Variants in ELF2 observed in about 807,000 individuals in gnomAD.
ELF2 encodes E74 like ETS transcription factor 2, also known as ETS-related transcription factor Elf-2.
ELF2 carries 11 observed loss-of-function variants against 54.8 expected under a neutral mutation model. That is an observed-to-expected ratio of 0.20 (90% confidence interval 0.13 to 0.33). The LOEUF (loss-of-function observed/expected upper bound fraction) is 0.33. Among genes scored for constraint, ELF2 ranks in the 10% least tolerant of loss-of-function variants. The probability of loss-of-function intolerance (pLI) is 1.00; values close to 1 mark genes in which losing one functional copy is unlikely to be tolerated. For synonymous variants in ELF2, 203 were observed against 245.1 expected (o/e 0.83, Z 1.61); for missense variants, 513 against 703.0 (o/e 0.73, Z 3.06).
At chr4:139,060,241 T>C (rs1727631386) in intron 9 of ELF2, 83 bp downstream of exon 9, 2 of 1,269,780 alleles carry the variant, frequency 1.6e-6, no homozygotes, top group Non-Finnish European at 2.1e-6. Context: ...AACACTAATA[T>C]TAAGCAAAAG....
intron 1 of ELF2, among the ~76,000 whole-genome samples, chr4:139,141,586 T>C (rs2148867516): frequency 6.6e-6 from 1 of 152,286 alleles, no homozygotes. Flanking sequence ...CAAAGACTGA[T>C]CTAGAAAGAG....
At chr4:139,114,673 T>C (rs1578835541) in intron 4 of ELF2, among the ~76,000 whole-genome samples, 1 of 121,792 alleles carries the variant, frequency 8.2e-6, no homozygotes. Flanking sequence ...ACCAAAGGCG[T>C]ATCCTAGCTT....
At chr4:139,135,237 A>ATATGTG (rs1350223045) in intron 3 of ELF2, among the ~76,000 whole-genome samples, 16 of 112,392 alleles carry the variant, frequency 1.4e-4, no homozygotes, top group African/African-American at 3.3e-4. Context: ...TACTATATAT[A>ATATGTG]TGTGTGTGTG....
At chr4:139,072,164 C>T (rs1447850721) in intron 5 of ELF2, 125 bp from the exon 6 acceptor site, 2 of 874,450 alleles carry the variant, frequency 2.3e-6, no homozygotes, top group Non-Finnish European at 3.4e-6. Flanking sequence ...GAGCTTAATA[C>T]TGAAGAAGTT....
At chr4:139,175,700 AT>A (rs1349480930) in intron 1 of ELF2, among the ~76,000 whole-genome samples, 1 of 152,260 alleles carries the variant, frequency 6.6e-6, no homozygotes, top group African/African-American at 2.4e-5. Context: ...AAATCTGATT[AT>A]CAAACACACG....
Position 139,122,489 on chromosome 4 carries a change from T to C in ELF2, c.238+2675A>G, listed in dbSNP as rs536018346. ...TCATTTAAAAATGCATTTGATTCTT[T>C]TTTTAGTTTTTGTTTTGTTTTGTTT... On this transcript the variant is annotated intron_variant, in intron 4 of 9. Transcript: ENST00000686138. Among the ~76,000 whole-genome samples, 41 of 129,018 alleles carry C rather than the reference T, an allele frequency of 3.2e-4. No homozygotes were observed. In the South Asian group the frequency reaches 0.011, roughly 36 times the overall value. The allele number at this position is 129,018 out of a possible 152,430, so 84.6% of individuals were successfully genotyped here. A position where few individuals can be genotyped will look rare whatever the true frequency, so the allele number is the denominator to read the frequency against.
chr4:139,152,859 A>G (rs941742651), intron 1 of ELF2, among the ~76,000 whole-genome samples: 3 of 148,982 alleles, frequency 2.0e-5, no homozygotes, highest in African/African-American at 7.4e-5. Context: ...TAATATTAAT[A>G]TAAATACAGC....
intron 4 of ELF2, among the ~76,000 whole-genome samples, chr4:139,098,974 T>C (rs570541086): frequency 1.3e-5 from 2 of 152,382 alleles, no homozygotes; most frequent in South Asian, 4.1e-4. Context: ...TTCTCCTTTG[T>C]TGCCTTTTGT....
intron 4 of ELF2, chr4:139,115,177 C>A: frequency 2.5e-6 from 4 of 1,612,394 alleles, no homozygotes; most frequent in Non-Finnish European, 2.5e-6. Context: ...GAGGCGCTTC[C>A]GTAGCTCCTT....
intron 1 of ELF2, among the ~76,000 whole-genome samples, chr4:139,169,515 A>T (rs1375330106): frequency 6.6e-6 from 1 of 152,088 alleles, no homozygotes; most frequent in African/African-American, 2.4e-5. Flanking sequence ...TTTATAGCCA[A>T]ACATAATTGA....
At chr4:139,115,158 C>T (rs1237247056) in intron 4 of ELF2, 12 of 1,612,964 alleles carry the variant, frequency 7.4e-6, no homozygotes, top group Non-Finnish European at 1.0e-5. Context: ...GGATCCACTC[C>T]TCTAGGTTGA....
intron 4 of ELF2, among the ~76,000 whole-genome samples, chr4:139,097,158 A>T (rs898486761): frequency 6.6e-6 from 1 of 152,128 alleles, no homozygotes; most frequent in Non-Finnish European, 1.5e-5. Flanking sequence ...GCTTAAGCGA[A>T]ATTCCAAGTT....
At chr4:139,111,746 T>A (rs1358582672) in intron 4 of ELF2, among the ~76,000 whole-genome samples, 2 of 152,174 alleles carry the variant, frequency 1.3e-5, no homozygotes, top group African/African-American at 4.8e-5. Context: ...AGCATCTACC[T>A]TGTTAACTCC....
intron 4 of ELF2, among the ~76,000 whole-genome samples, chr4:139,097,328 C>T (rs960560507): frequency 7.2e-5 from 11 of 152,136 alleles, no homozygotes; most frequent in African/African-American, 2.7e-4. Flanking sequence ...CAGCTACATT[C>T]CAAGTTTTAA....
chr4:139,094,612 A>AT (rs1281280753), intron 4 of ELF2, among the ~76,000 whole-genome samples: 1 of 152,252 alleles, frequency 6.6e-6, no homozygotes, highest in Non-Finnish European at 1.5e-5. Context: ...AGTAAGATAC[A>AT]TAACACCATT....
At chr4:139,169,781 C>T (rs1030370609) in intron 1 of ELF2, among the ~76,000 whole-genome samples, 9 of 150,308 alleles carry the variant, frequency 6.0e-5, no homozygotes, top group Non-Finnish European at 1.0e-4. Flanking sequence ...GGCGTGAACC[C>T]GGGAGGCGGA....
intron 1 of ELF2, among the ~76,000 whole-genome samples, chr4:139,141,871 A>G (rs1738739160): frequency 1.3e-5 from 2 of 152,128 alleles, no homozygotes; most frequent in South Asian, 4.1e-4. Context: ...TCTCTTCCAG[A>G]TTTGTCTACT....
chr4:139,078,951 C>T (rs762449930), intron 4 of ELF2, among the ~76,000 whole-genome samples: 10 of 152,052 alleles, frequency 6.6e-5, no homozygotes, highest in Non-Finnish European at 2.9e-5. Context: ...TTTTTTGAGA[C>T]AAGGTCTCGC....
intron 4 of ELF2, among the ~76,000 whole-genome samples, chr4:139,098,469 C>CTTT (rs559858763): frequency 2.9e-5 from 4 of 140,142 alleles, no homozygotes; most frequent in South Asian, 2.3e-4. Flanking sequence ...ATTTTTAAAA[C>CTTT]TTTTTTTTTT....
Sources: allele counts gnomAD v4.1 joint callset (sites outside exome capture counted in the v4.1 genomes callset), GRCh38; gene constraint gnomAD v4.1.1; transcripts MANE v1.5; gene names NCBI Gene and HGNC (gene_info 2026-07-23, HGNC 2026-07-21).